The following R3HDM2 variants were observed in gnomAD, a reference collection of about 807,000 sequenced individuals.
The protein encoded by R3HDM2 is R3H domain containing 2.
Under a neutral mutation model 124.5 loss-of-function variants are expected in R3HDM2, and 38 were observed. That is an observed-to-expected ratio of 0.31 (90% CI 0.24 to 0.40). The LOEUF is 0.40. Ranked by LOEUF, R3HDM2 falls within the 10% of genes least tolerant of loss-of-function variation. R3HDM2 has a pLI of 1.00. For missense variants in R3HDM2, 869 were observed against 1,236.9 expected (o/e 0.70, Z 4.46); for synonymous variants, 391 against 448.0 (o/e 0.87, Z 1.61).
In R3HDM2 at chr12:57,300,084, A is replaced by C; in HGVS notation, c.294+11T>G. ...GCGCAAAAGCTACACTTACTCCTGC[A>C]AATGACCTACCTGGGTTTCTAATGG... On this transcript the variant is annotated intron_variant, in intron 5 of 23. Coordinates refer to ENST00000402412, the MANE Select transcript of R3HDM2 (RefSeq NM_001394031.1). 6.5e-7 allele frequency: 1 copy of C among 1,548,296 alleles called. No individual in the cohort carries two copies. Among genetic ancestry groups the C allele is most frequent in the Non-Finnish European group, 8.7e-7 (1 of 1,143,878 alleles).
intron 2 of R3HDM2, among the ~76,000 whole-genome samples, chr12:57,327,843 T>G (rs2136477172): frequency 6.6e-6 from 1 of 152,248 alleles, no homozygotes; most frequent in Non-Finnish European, 1.5e-5. Flanking sequence ...AAAAGTAGGT[T>G]CTTGAGATGG....
intron 4 of R3HDM2, among the ~76,000 whole-genome samples, chr12:57,302,526 C>T (rs2051437117): frequency 6.6e-6 from 1 of 151,778 alleles, no homozygotes; most frequent in Admixed American, 6.6e-5. Context: ...ATTAGCCAGG[C>T]ATGGTGGCGG....
chr12:57,376,933 A>C (rs895378917), intron 2 of R3HDM2, among the ~76,000 whole-genome samples: 1 of 147,102 alleles, frequency 6.8e-6, no homozygotes, highest in African/African-American at 2.5e-5. Context: ...CCTGGGCAAA[A>C]GAATGAGACT....
In R3HDM2 at chr12:57,298,078, T is replaced by C; in HGVS notation, c.500+12A>G. ...CTAACCCCTTTTCCTCTTATACCCA[T>C]CATGTTATTACCTTGGGTTCTTTTT... On this transcript the variant is annotated intron_variant, in intron 7 of 23. Coordinates refer to ENST00000402412, the MANE Select transcript of R3HDM2 (RefSeq NM_001394031.1). The C allele has an allele frequency of 6.5e-7, 1 of 1,539,604 alleles. No individual in the cohort carries two copies. Among genetic ancestry groups the C allele is most frequent in the Non-Finnish European group, 8.8e-7 (1 of 1,136,268 alleles).
chr12:57,366,222 T>C (rs1025473290), intron 2 of R3HDM2, among the ~76,000 whole-genome samples: 33 of 152,078 alleles, frequency 2.2e-4, no homozygotes, highest in Non-Finnish European at 1.2e-4. Flanking sequence ...TGGTGTGACG[T>C]TGGTTCACTG....
At chr12:57,367,355 T>C (rs1161109665) in intron 2 of R3HDM2, among the ~76,000 whole-genome samples, 2 of 152,206 alleles carry the variant, frequency 1.3e-5, no homozygotes, top group Non-Finnish European at 2.9e-5. Context: ...TTGTAGTTAG[T>C]GTAACTGAGG....
chr12:57,288,663 C>A (rs2138248462), intron 12 of R3HDM2, among the ~76,000 whole-genome samples: 1 of 151,926 alleles, frequency 6.6e-6, no homozygotes, highest in Non-Finnish European at 1.5e-5. Context: ...ATGAAATCAG[C>A]AACAATAAAA....
chr12:57,276,401 A>G (rs2044750617), intron 14 of R3HDM2, among the ~76,000 whole-genome samples: 1 of 152,202 alleles, frequency 6.6e-6, no homozygotes, highest in African/African-American at 2.4e-5. Flanking sequence ...ATGAGTGGGT[A>G]AAGAAACTGT....
intron 2 of R3HDM2, among the ~76,000 whole-genome samples, chr12:57,329,603 T>C (rs1345100690): frequency 6.6e-6 from 1 of 152,200 alleles, no homozygotes; most frequent in African/African-American, 2.4e-5. Context: ...TGCTTACTGG[T>C]ACTGTTTTTC....
chr12:57,284,166 G>T lies in R3HDM2; in HGVS notation c.939-110C>A, dbSNP rs924499533. 3 of 1,018,250 alleles carry T rather than the reference G, an allele frequency of 2.9e-6. No individual in the cohort carries two copies. The Admixed American group carries it at 6.9e-5, about 23-fold the overall frequency. The allele number at this position is 1,018,250 out of a possible 1,614,324, so 63.1% of individuals were successfully genotyped here. A position where few individuals can be genotyped will look rare whatever the true frequency, so the allele number is the denominator to read the frequency against. On this transcript the variant is annotated intron_variant, in intron 12 of 23. Transcript: ENST00000402412. ...TAACAAAGAATGGGTAAGAATTAAA[G>T]GGAGGATGGACACTGACTTATTGTT...
intron 21 of R3HDM2, 114 bp from the exon 22 acceptor site, chr12:57,256,625 T>A: frequency 1.4e-6 from 1 of 725,110 alleles, no homozygotes; most frequent in Non-Finnish European, 2.2e-6. Flanking sequence ...TAATTTTCTA[T>A]GATGGAAATG....
At chr12:57,344,996 G>A (rs1039183277) in intron 2 of R3HDM2, among the ~76,000 whole-genome samples, 2 of 151,930 alleles carry the variant, frequency 1.3e-5, no homozygotes, top group Non-Finnish European at 2.9e-5. Flanking sequence ...CACCATGTCC[G>A]GCTAATTTTG....
intron 2 of R3HDM2, among the ~76,000 whole-genome samples, chr12:57,377,516 A>C (rs967207025): frequency 6.6e-6 from 1 of 152,100 alleles, no homozygotes; most frequent in Non-Finnish European, 1.5e-5. Context: ...ATCACCTAGT[A>C]ATCCCAGAAT....
At chr12:57,294,327 T>G (rs960209685) in intron 10 of R3HDM2, among the ~76,000 whole-genome samples, 1 of 152,158 alleles carries the variant, frequency 6.6e-6, no homozygotes, top group Non-Finnish European at 1.5e-5. Flanking sequence ...CCTGAATAAT[T>G]CCTGATCCAC....
chr12:57,340,267 T>C (rs1334211101), intron 2 of R3HDM2, among the ~76,000 whole-genome samples: 2 of 152,208 alleles, frequency 1.3e-5, no homozygotes, highest in Non-Finnish European at 2.9e-5. Flanking sequence ...GACAGGGAAC[T>C]GCTCCCAGTG....
At position 57,258,885 on chromosome 12, in the gene R3HDM2, C is replaced by A; in HGVS notation, c.2301+5G>T. 1 of 1,554,188 alleles carries A rather than the reference C, an allele frequency of 6.4e-7. No individual in the cohort carries two copies. The highest frequency in any genetic ancestry group is 1.4e-5 in the African/African-American group (1 of 72,388). Reference sequence around the variant, plus strand: ...TGCCAAGACAAGGCTGAGTGCTGCACTCACCTGGGGGCTGCTGTCAGGACT... The same window carrying A: ...TGCCAAGACAAGGCTGAGTGCTGCAATCACCTGGGGGCTGCTGTCAGGACT... On this transcript the variant is annotated splice_donor_5th_base_variant and intron_variant, in intron 20 of 23. Coordinates refer to ENST00000402412, the MANE Select transcript of R3HDM2 (RefSeq NM_001394031.1).
chr12:57,368,873 C>T (rs1489152352), intron 2 of R3HDM2, among the ~76,000 whole-genome samples: 2 of 152,108 alleles, frequency 1.3e-5, no homozygotes, highest in African/African-American at 2.4e-5. Context: ...CCCCCCCAAA[C>T]TCTGCAGTTC....
intron 1 of R3HDM2, among the ~76,000 whole-genome samples, chr12:57,396,047 C>T (rs191558112): frequency 1.3e-5 from 2 of 152,262 alleles, no homozygotes; most frequent in East Asian, 3.9e-4. Context: ...TACATTAACT[C>T]CCTCTTTGTA....
At chr12:57,268,520 G>A in intron 17 of R3HDM2, 63 bp from the exon 18 acceptor site, 1 of 1,549,242 alleles carries the variant, frequency 6.5e-7, no homozygotes, top group East Asian at 2.3e-5. Context: ...TGCAGAAACA[G>A]CCTAGTCATC....
Sources: gnomAD v4.1 joint callset for allele counts (sites outside exome capture counted in the v4.1 genomes callset) on GRCh38, gnomAD v4.1.1 for gene constraint, MANE v1.5 for transcripts, NCBI Gene and HGNC (gene_info 2026-07-23, HGNC 2026-07-21) for gene names.